Variants in MOBP observed in about 807,000 individuals in gnomAD.
MOBP encodes the protein myelin associated oligodendrocyte basic protein, also known as myelin-associated oligodendrocyte basic protein.
In MOBP, 5 loss-of-function variants were observed where a neutral mutation model predicts 15.0. That is an observed-to-expected ratio of 0.33 (90% CI 0.17 to 0.70). The LOEUF (loss-of-function observed/expected upper bound fraction) is 0.70. Among genes scored for constraint, MOBP ranks in the 30% least tolerant of loss-of-function variants. The pLI, the probability that MOBP is intolerant of heterozygous loss-of-function variation, is 0.67. For synonymous variants in MOBP, 88 were observed against 99.0 expected, an observed-to-expected ratio of 0.89 and a Z score of 0.66; for missense variants, 188 against 257.8, an observed-to-expected ratio of 0.73 and a Z score of 1.85.
intron 2 of MOBP, among the ~76,000 whole-genome samples, chr3:39,484,814 C>T (rs1194698437): frequency 6.6e-6 from 1 of 152,186 alleles, no homozygotes; most frequent in Non-Finnish European, 1.5e-5. Context: ...CTTAGAATAG[C>T]TGGAAGCAGG....
chr3:39,472,880 C>T (rs1443660661), intron 1 of MOBP, among the ~76,000 whole-genome samples: 3 of 152,110 alleles, frequency 2.0e-5, no homozygotes, highest in Non-Finnish European at 2.9e-5. Flanking sequence ...AAGACATATT[C>T]GTGCCATTGC....
chr3:39,510,950 A>T (rs1359409065), intron 4 of MOBP, among the ~76,000 whole-genome samples: 1 of 152,234 alleles, frequency 6.6e-6, no homozygotes, highest in Admixed American at 6.5e-5. Flanking sequence ...TTAGGTTGTT[A>T]GTTTATTCCT....
intron 2 of MOBP, among the ~76,000 whole-genome samples, chr3:39,500,959 TGA>T (rs2042961245): frequency 6.6e-6 from 1 of 152,246 alleles, no homozygotes; most frequent in Non-Finnish European, 1.5e-5. Context: ...CACACAATTT[TGA>T]TGATCACAAA....
At chr3:39,490,797 G>T (rs993209314) in intron 2 of MOBP, among the ~76,000 whole-genome samples, 1 of 152,110 alleles carries the variant, frequency 6.6e-6, no homozygotes, top group African/African-American at 2.4e-5. Context: ...GCTTGACCTT[G>T]GGTGATCTGC....
downstream of MOBP, among the ~76,000 whole-genome samples, chr3:39,516,488 A>T (rs1427535092): frequency 6.6e-6 from 1 of 152,008 alleles, no homozygotes; most frequent in Non-Finnish European, 1.5e-5. Flanking sequence ...ACCTTGAGGC[A>T]TTTTCTGCCT....
At chr3:39,494,981 C>T (rs2042856192) in intron 2 of MOBP, among the ~76,000 whole-genome samples, 1 of 152,110 alleles carries the variant, frequency 6.6e-6, no homozygotes, top group Non-Finnish European at 1.5e-5. Flanking sequence ...AGGATTCAGG[C>T]TCCTCTGGTA....
At chr3:39,516,116 A>T (rs1432999018), downstream of MOBP, 1 of 152,238 alleles carries the variant, frequency 6.6e-6, no homozygotes, top group African/African-American at 2.4e-5. Context: ...GCGACCGTGT[A>T]GGATACTCTC....
downstream of MOBP, chr3:39,525,293 G>C (rs1465118468): frequency 6.6e-6 from 1 of 152,286 alleles, no homozygotes; most frequent in East Asian, 1.9e-4. Flanking sequence ...ATACTTGTTT[G>C]GGTTCAGTTT....
chr3:39,494,824 G>GA (rs2042854836), intron 2 of MOBP, among the ~76,000 whole-genome samples: 1 of 120,600 alleles, frequency 8.3e-6, no homozygotes, highest in Non-Finnish European at 1.6e-5. Flanking sequence ...ATTATTACAG[G>GA]AAACTGAGTC....
At chr3:39,509,978 A>G (rs1185707376) in intron 4 of MOBP, among the ~76,000 whole-genome samples, 1 of 152,078 alleles carries the variant, frequency 6.6e-6, no homozygotes. Flanking sequence ...ATCCATTTTA[A>G]GTTAATTTTT....
intron 4 of MOBP, among the ~76,000 whole-genome samples, chr3:39,510,626 A>G (rs1219697525): frequency 6.6e-6 from 1 of 152,174 alleles, no homozygotes; most frequent in East Asian, 1.9e-4. Context: ...GTATACAAAA[A>G]TATAAGTGAA....
exon 5 of MOBP, chr3:39,515,178 T>C (rs1471806540): frequency 6.6e-6 from 1 of 152,418 alleles, no homozygotes; most frequent in East Asian, 1.9e-4. Context: ...TGGCCTTGAC[T>C]TAGGGCTGCA....
chr3:39,511,457 T>G (rs898480118), intron 4 of MOBP, among the ~76,000 whole-genome samples: 1 of 152,244 alleles, frequency 6.6e-6, no homozygotes, highest in African/African-American at 2.4e-5. Context: ...ACTAGTGACC[T>G]GTTATTTTCC....
At chr3:39,481,273 C>CT (rs1482426459) in intron 2 of MOBP, among the ~76,000 whole-genome samples, 1 of 152,208 alleles carries the variant, frequency 6.6e-6, no homozygotes, top group Non-Finnish European at 1.5e-5. Context: ...CAAAATCTCT[C>CT]TTAAACCCAT....
chr3:39,526,948 G>A (rs563143324), downstream of MOBP: 4 of 151,856 alleles, frequency 2.6e-5, no homozygotes, highest in African/African-American at 9.7e-5. Flanking sequence ...GGCTAATTTT[G>A]TATTTTTAGT....
rs1165245478 is a variant in MOBP, at chr3:39,469,128, A to ATG, written c.-89+1396_-89+1397dup. ...TGTGTGTATATATACATATATACATATGTGTGTGTATATACATATATACAT... is the reference window on the plus strand; with the variant it reads ...TGTGTGTATATATACATATATACATATGTGTGTGTGTATATACATATATACAT... On this transcript the variant is annotated intron_variant, in intron 1 of 3. Transcript: ENST00000684792. Among the ~76,000 whole-genome samples, 7 of 74,094 alleles carry ATG rather than the reference A, an allele frequency of 9.4e-5. 2 individuals carry two copies. The East Asian group carries it at 1.9e-3, about 20-fold the overall frequency. The allele number at this position is 74,094 out of a possible 152,430, so 48.6% of individuals were successfully genotyped here. A position where few individuals can be genotyped will look rare whatever the true frequency, so the allele number is the denominator to read the frequency against.
chr3:39,501,456 C>A (rs974576506), intron 2 of MOBP, among the ~76,000 whole-genome samples: 4 of 152,212 alleles, frequency 2.6e-5, no homozygotes, highest in Admixed American at 2.6e-4. Context: ...TGAGTCGGAA[C>A]CCACCTTCTC....
intron 2 of MOBP, among the ~76,000 whole-genome samples, chr3:39,495,552 G>A (rs2042866083): frequency 6.6e-6 from 1 of 151,766 alleles, no homozygotes; most frequent in South Asian, 2.1e-4. Flanking sequence ...GTCTGAGGTG[G>A]GAGGATCACT....
intron 2 of MOBP, among the ~76,000 whole-genome samples, chr3:39,493,166 G>T (rs1322847754): frequency 1.3e-5 from 2 of 152,112 alleles, no homozygotes; most frequent in Non-Finnish European, 2.9e-5. Flanking sequence ...GAGGAAGGGT[G>T]GGAAGAAGGG....
Sources: gnomAD v4.1 joint callset for allele counts (sites outside exome capture counted in the v4.1 genomes callset) on GRCh38, gnomAD v4.1.1 for gene constraint, MANE v1.5 for transcripts, NCBI Gene and HGNC (gene_info 2026-07-23, HGNC 2026-07-21) for gene names.